POPDC1: variants seen among roughly 807,000 people sequenced by gnomAD.
The protein encoded by POPDC1 is popeye domain-containing protein 1.
the POPDC1 span, among the ~76,000 whole-genome samples, chr6:105,108,775 A>G: frequency 6.6e-6 from 1 of 152,240 alleles, no homozygotes; most frequent in South Asian, 2.1e-4. Flanking sequence ...ACTTGGTTCT[A>G]CGTAAAGCAC....
At chr6:105,124,756 T>A in the POPDC1 span, 1 of 849,284 alleles carries the variant, frequency 1.2e-6, no homozygotes, top group Non-Finnish European at 1.9e-6. Context: ...TGTAGTACAG[T>A]TTTAAAAATT....
At chr6:105,125,626 C>T in the POPDC1 span, 1 of 1,553,870 alleles carries the variant, frequency 6.4e-7, no homozygotes, top group Non-Finnish European at 8.9e-7. Context: ...GCAGCAATCC[C>T]AAAACACTGA....
chr6:105,098,273 T>G, the POPDC1 span: 1 of 152,210 alleles, frequency 6.6e-6, no homozygotes, highest in Non-Finnish European at 1.5e-5. Flanking sequence ...TAAAACACTT[T>G]TCTGTCTTCT....
the POPDC1 span, chr6:105,129,404 G>A: frequency 9.9e-6 from 16 of 1,610,986 alleles, no homozygotes; most frequent in South Asian, 7.7e-5. Context: ...TAAAAGATAC[G>A]ACAGATGCAA....
the POPDC1 span, among the ~76,000 whole-genome samples, chr6:105,114,605 T>C: frequency 2.6e-5 from 4 of 152,264 alleles, no homozygotes; most frequent in African/African-American, 9.6e-5. Context: ...GAAGAATGTC[T>C]GCCTTTTTGC....
the POPDC1 span, among the ~76,000 whole-genome samples, chr6:105,121,764 G>A: frequency 6.0e-4 from 91 of 152,258 alleles, 1 homozygote; most frequent in African/African-American, 1.9e-3. Flanking sequence ...CACCTGCTAT[G>A]CAATCTCAAG....
At chr6:105,098,598 T>C in the POPDC1 span, 1 of 152,208 alleles carries the variant, frequency 6.6e-6, no homozygotes, top group East Asian at 1.9e-4. Flanking sequence ...TATAGAGTGA[T>C]TTTGTAAATT....
chr6:105,101,306 A>AAAAAATAAAATTCC, the POPDC1 span: 7 of 1,318,962 alleles, frequency 5.3e-6, no homozygotes, highest in Non-Finnish European at 7.0e-6. Flanking sequence ...CTGGAAAATA[A>AAAAAATAAAATTCC]AACTGTAGGA....
At chr6:105,128,294 C>T in the POPDC1 span, among the ~76,000 whole-genome samples, 1 of 152,208 alleles carries the variant, frequency 6.6e-6, no homozygotes, top group Non-Finnish European at 1.5e-5. Flanking sequence ...GAAATATGAA[C>T]AGAAACAATA....
chr6:105,104,257 C>T, the POPDC1 span, among the ~76,000 whole-genome samples: 1 of 152,100 alleles, frequency 6.6e-6, no homozygotes, highest in African/African-American at 2.4e-5. Flanking sequence ...TCCATGACTC[C>T]TGTGGGAAGA....
the POPDC1 span, among the ~76,000 whole-genome samples, chr6:105,106,993 TA>T: frequency 1.3e-5 from 2 of 152,198 alleles, no homozygotes; most frequent in African/African-American, 4.8e-5. Context: ...AAATGTATAT[TA>T]TTTTTTACTA....
At chr6:105,115,761 T>C in the POPDC1 span, 3 of 1,614,190 alleles carry the variant, frequency 1.9e-6, no homozygotes, top group Admixed American at 1.7e-5. Flanking sequence ...CTGGCTATAC[T>C]GTTCCTCATT....
chr6:105,135,478 T>C, the POPDC1 span, among the ~76,000 whole-genome samples: 72 of 152,284 alleles, frequency 4.7e-4, 2 homozygotes, highest in East Asian at 0.014. Flanking sequence ...ACATAATCAA[T>C]CAATCAATAC....
chr6:105,125,559 A>G, the POPDC1 span: 1 of 1,613,860 alleles, frequency 6.2e-7, no homozygotes, highest in Non-Finnish European at 8.5e-7. Context: ...CATGCCACTG[A>G]GTTCCTTTTC....
the POPDC1 span, chr6:105,125,645 G>GT: frequency 1.7e-4 from 245 of 1,464,066 alleles, no homozygotes; most frequent in Non-Finnish European, 2.3e-4. Flanking sequence ...GACTTCTGTG[G>GT]TCTAAATATG....
chr6:105,114,806 C>T, the POPDC1 span, among the ~76,000 whole-genome samples: 2 of 152,184 alleles, frequency 1.3e-5, no homozygotes, highest in African/African-American at 2.4e-5. Context: ...TCTTGGCAGG[C>T]GTGTGAATGA....
chr6:105,127,301 C>T, the POPDC1 span, among the ~76,000 whole-genome samples: 4 of 152,166 alleles, frequency 2.6e-5, no homozygotes, highest in South Asian at 8.3e-4. Context: ...ATATCAGCAA[C>T]TTCTGAACCT....
At chr6:105,119,212 TA>T in the POPDC1 span, among the ~76,000 whole-genome samples, 1 of 146,242 alleles carries the variant, frequency 6.8e-6, no homozygotes, top group African/African-American at 2.5e-5. Context: ...AAAGTAGTGG[TA>T]AAGTGAGCAC....
chr6:105,108,073 T>C, the POPDC1 span, among the ~76,000 whole-genome samples: 1 of 152,186 alleles, frequency 6.6e-6, no homozygotes, highest in Non-Finnish European at 1.5e-5. Context: ...CAAGAGCACG[T>C]TCTCAGAGCA....
Sources: allele counts gnomAD v4.1 joint callset (sites outside exome capture counted in the v4.1 genomes callset), GRCh38; gene constraint gnomAD v4.1.1; transcripts MANE v1.5; gene names NCBI Gene and HGNC (gene_info 2026-07-23, HGNC 2026-07-21).